Variants in CDH2 observed in about 807,000 individuals in gnomAD.
The protein encoded by CDH2 is cadherin 2.
A neutral mutation model predicts 92.0 loss-of-function variants in CDH2; 17 were observed. The ratio of observed to expected loss-of-function variants is 0.18; its 90% CI spans 0.13 to 0.28. CDH2 has a LOEUF of 0.28. Among genes scored for constraint, CDH2 ranks in the 10% least tolerant of loss-of-function variants. The pLI, the probability that CDH2 is intolerant of heterozygous loss-of-function variation, is 1.00. For synonymous variants in CDH2, 419 were observed against 415.9 expected, an observed-to-expected ratio of 1.01 and a Z score of -0.09; for missense variants, 862 against 1,133.1, an observed-to-expected ratio of 0.76 and a Z score of 3.44.
intron 1 of CDH2, among the ~76,000 whole-genome samples, chr18:28,166,400 T>TA (rs2016386154): frequency 6.6e-6 from 1 of 151,742 alleles, no homozygotes; most frequent in African/African-American, 2.4e-5. Context: ...AGGCCTCAAA[T>TA]AAAGAGAAGG....
chr18:27,949,625 A>G (rs951895404), downstream of CDH2, among the ~76,000 whole-genome samples: 2 of 151,986 alleles, frequency 1.3e-5, no homozygotes, highest in African/African-American at 4.8e-5. Context: ...TCATTTTCAT[A>G]AAAACAAAAG....
At chr18:28,137,571 G>A (rs2015883739) in intron 2 of CDH2, among the ~76,000 whole-genome samples, 1 of 147,450 alleles carries the variant, frequency 6.8e-6, no homozygotes, top group Admixed American at 6.9e-5. Flanking sequence ...AGGTATTAAA[G>A]GCAAAAAAAC....
At chr18:28,051,497 T>C (rs1267637180) in intron 2 of CDH2, among the ~76,000 whole-genome samples, 1 of 152,212 alleles carries the variant, frequency 6.6e-6, no homozygotes, top group Non-Finnish European at 1.5e-5. Context: ...GAGAAAGTGA[T>C]TTCCATGTAA....
intron 2 of CDH2, among the ~76,000 whole-genome samples, chr18:28,051,653 C>T (rs2144127485): frequency 6.6e-6 from 1 of 152,012 alleles, no homozygotes; most frequent in Middle Eastern, 3.4e-3. Context: ...TGTCTCTTAC[C>T]AACTATAGAA....
intron 12 of CDH2, 59 bp from the exon 13 acceptor site, chr18:27,985,292 C>A: frequency 1.0e-6 from 1 of 991,768 alleles, no homozygotes. Context: ...TAAAAAAACA[C>A]ATAGCATTGT....
intron 2 of CDH2, among the ~76,000 whole-genome samples, chr18:28,087,258 T>G (rs374918019): frequency 6.6e-6 from 1 of 152,174 alleles, no homozygotes; most frequent in Non-Finnish European, 1.5e-5. Context: ...TGTGCATCTG[T>G]GTGAAGAGAA....
chr18:28,080,246 C>T (rs367857272), intron 2 of CDH2, among the ~76,000 whole-genome samples: 5 of 152,106 alleles, frequency 3.3e-5, no homozygotes, highest in Non-Finnish European at 5.9e-5. Context: ...AACACAAGCC[C>T]GAAGCCTCAC....
rs895492261 is a variant in CDH2 at position 27,951,359 on chromosome 18, A to C, written c.*794T>G. 1 of 152,552 alleles carries C rather than the reference A, an allele frequency of 6.6e-6. No homozygotes were observed. The highest frequency in any genetic ancestry group is 1.5e-5 in the Non-Finnish European group (1 of 68,004). The allele number at this position is 152,552 out of a possible 1,614,324, so 9.4% of individuals were successfully genotyped here. ...CATAACGAAAGATATAAACATGCAA[A>C]AAACCTGAATCCATAGTCCAAATAA... On this transcript the variant is annotated 3_prime_UTR_variant, in exon 16 of 16. Coordinates refer to ENST00000269141, the MANE Select transcript of CDH2 (RefSeq NM_001792.5).
chr18:27,935,587 T>C (rs1048560085), intron 6 of CDH2, among the ~76,000 whole-genome samples: 2 of 152,202 alleles, frequency 1.3e-5, no homozygotes, highest in East Asian at 3.9e-4. Flanking sequence ...CAGATATTCA[T>C]TTCAATAGCT....
intron 5 of CDH2, among the ~76,000 whole-genome samples, chr18:28,007,165 A>ATAT (rs1555632743): frequency 2.2e-4 from 24 of 110,462 alleles, no homozygotes; most frequent in East Asian, 4.6e-4. Context: ...ATAAAAAAAA[A>ATAT]ATATATATAT....
intron 3 of CDH2, 105 bp from the exon 4 acceptor site, chr18:28,012,097 T>C: frequency 1.0e-6 from 1 of 971,922 alleles, no homozygotes; most frequent in Non-Finnish European, 1.5e-6. Context: ...CAGTTTATTA[T>C]GAACAAAAAA....
intron 2 of CDH2, among the ~76,000 whole-genome samples, chr18:28,061,357 T>C (rs1012547137): frequency 2.6e-4 from 40 of 152,128 alleles, no homozygotes; most frequent in South Asian, 2.1e-4. Context: ...TAAAACTTTA[T>C]CCTAGGCTGG....
In CDH2 at chr18:28,005,820, C is replaced by G. The variant is rs202237072; in HGVS notation, c.847+29G>C. ...TGGTTACACCATACTTTCCTCAAGT[C>G]ATCTTCAAATTATTATCTTTAAACT... On this transcript the variant is annotated intron_variant, in intron 6 of 15. Coordinates refer to ENST00000269141, the MANE Select transcript of CDH2 (RefSeq NM_001792.5). 5.7e-6 allele frequency: 9 copies of G among 1,571,734 alleles called. No individual in the cohort carries two copies. The South Asian group carries it at 9.5e-5, about 17-fold the overall frequency.
At chr18:27,973,926 A>G (rs2011741399) in intron 14 of CDH2, among the ~76,000 whole-genome samples, 1 of 152,186 alleles carries the variant, frequency 6.6e-6, no homozygotes, top group Non-Finnish European at 1.5e-5. Context: ...ATGACTGTGT[A>G]GAGAGAAGCA....
intron 1 of CDH2, among the ~76,000 whole-genome samples, chr18:28,174,174 G>C (rs1171734163): frequency 6.6e-6 from 1 of 151,744 alleles, no homozygotes; most frequent in Non-Finnish European, 1.5e-5. Flanking sequence ...AAAAACAAGG[G>C]TGCTCCGTAT....
intron 15 of CDH2, among the ~76,000 whole-genome samples, chr18:27,958,301 T>C (rs1341989441): frequency 1.4e-5 from 2 of 147,200 alleles, no homozygotes; most frequent in African/African-American, 4.9e-5. Flanking sequence ...TTTTAAACTT[T>C]AGTAGTTTCA....
At chr18:28,143,191 T>C (rs1434071142) in intron 2 of CDH2, among the ~76,000 whole-genome samples, 4 of 151,942 alleles carry the variant, frequency 2.6e-5, no homozygotes, top group Non-Finnish European at 5.9e-5. Flanking sequence ...GGAGTTTACT[T>C]AGAGAAATAT....
At chr18:28,123,629 T>C (rs1310436490) in intron 2 of CDH2, among the ~76,000 whole-genome samples, 1 of 152,170 alleles carries the variant, frequency 6.6e-6, no homozygotes, top group African/African-American at 2.4e-5. Flanking sequence ...AAACATAATT[T>C]TGATCGTGCT....
At chr18:28,163,030 G>A (rs1257491559) in intron 1 of CDH2, among the ~76,000 whole-genome samples, 3 of 152,126 alleles carry the variant, frequency 2.0e-5, no homozygotes, top group Non-Finnish European at 4.4e-5. Flanking sequence ...AAGAGAATGA[G>A]AAACACACAG....
Sources: allele counts gnomAD v4.1 joint callset (sites outside exome capture counted in the v4.1 genomes callset), GRCh38; gene constraint gnomAD v4.1.1; transcripts MANE v1.5; gene names NCBI Gene and HGNC (gene_info 2026-07-23, HGNC 2026-07-21).